Variants in SLC38A6 observed in about 807,000 individuals in gnomAD.
SLC38A6 encodes N system amino acid transporter NAT-1.
A neutral mutation model predicts 65.0 loss-of-function variants in SLC38A6; 73 were observed. The observed-to-expected ratio is 1.12, with a 90% CI of 0.93 to 1.37. The LOEUF is 1.37. Among genes scored for constraint, SLC38A6 ranks in the 40% most tolerant of loss-of-function variants. The probability of loss-of-function intolerance (pLI) is 0.00; values close to 1 mark genes in which losing one functional copy is unlikely to be tolerated. For synonymous variants in SLC38A6, 183 were observed against 178.8 expected (o/e 1.02, Z -0.19); for missense variants, 561 against 531.1 (o/e 1.06, Z -0.55).
Position 60,981,369 on chromosome 14 carries a change from C to G in SLC38A6, c.92C>G (p.Pro31Arg), listed in dbSNP as rs747978137. The change falls in exon 1 of 16, where the codon CCG (proline) becomes CGG (arginine). Residue 31 changes from proline (P) to arginine (R), a missense_variant. By Grantham distance (103) the Pro-to-Arg change is moderately radical (BLOSUM62 -2). Coordinates refer to ENST00000267488, the MANE Select transcript of SLC38A6 (RefSeq NM_153811.3). ...GAAGCGGAGGCCGAAGAGTTGAGTCCGTTGCTAAGCAACGTAAGTGGGCTG... is the reference window on the plus strand; with the variant it reads ...GAAGCGGAGGCCGAAGAGTTGAGTCGGTTGCTAAGCAACGTAAGTGGGCTG... ...PEEAEAEELS[P>R]LLSNELHRQR... 6.2e-7 allele frequency: 1 copy of G among 1,602,548 alleles called. No individual in the cohort carries two copies. The highest frequency in any genetic ancestry group is 1.3e-5 in the African/African-American group (1 of 74,924).
At chr14:61,044,330 C>G (rs192127443) in intron 10 of SLC38A6, among the ~76,000 whole-genome samples, 85 of 152,310 alleles carry the variant, frequency 5.6e-4, no homozygotes, top group African/African-American at 1.9e-3. Context: ...AAATATCTCT[C>G]TGGTCCCAAA....
chr14:61,053,169 C>T (rs1163906585), downstream of SLC38A6, among the ~76,000 whole-genome samples: 2 of 152,012 alleles, frequency 1.3e-5, no homozygotes, highest in African/African-American at 2.4e-5. Flanking sequence ...AGGATAAAAG[C>T]CTCCACCTCC....
intron 15 of SLC38A6, among the ~76,000 whole-genome samples, chr14:61,073,213 AT>A (rs1392412546): frequency 1.3e-5 from 2 of 152,128 alleles, no homozygotes; most frequent in African/African-American, 4.8e-5. Context: ...TATTTTGCCC[AT>A]TTTTTGATTG....
rs2042569442 is a variant in SLC38A6 at position 61,052,570 on chromosome 14, G to GGGGAAT, written c.*146_*147insTGGGAA. On this transcript the variant is annotated 3_prime_UTR_variant, in exon 16 of 16. Transcript: ENST00000267488. ...AGCAGAACAAAATGGCAGTGGGTAT[G>GGGGAAT]GGGAAGTAAGAGTGTGGCAGTTTTA... 2 of 1,232,254 alleles carry GGGGAAT rather than the reference G, an allele frequency of 1.6e-6. No individual in the cohort carries two copies. The highest frequency in any genetic ancestry group is 4.0e-5 in the South Asian group (2 of 50,526). The allele number at this position is 1,232,254 out of a possible 1,614,324, so 76.3% of individuals were successfully genotyped here. A position where few individuals can be genotyped will look rare whatever the true frequency, so the allele number is the denominator to read the frequency against.
intron 3 of SLC38A6, among the ~76,000 whole-genome samples, chr14:61,013,681 A>T (rs2039760947): frequency 6.6e-6 from 1 of 152,170 alleles, no homozygotes; most frequent in East Asian, 1.9e-4. Flanking sequence ...TGGGTTGAAA[A>T]TTCTTTTCTT....
downstream of SLC38A6, chr14:61,052,709 TAC>T (rs1333175263): frequency 4.3e-6 from 1 of 232,920 alleles, no homozygotes; most frequent in Non-Finnish European, 7.9e-6. Context: ...GAACAGAAAG[TAC>T]AGAGTTCACA....
chr14:61,080,800 TC>T (rs768039743), intron 16 of SLC38A6, among the ~76,000 whole-genome samples: 10 of 152,130 alleles, frequency 6.6e-5, no homozygotes, highest in Non-Finnish European at 1.0e-4. Flanking sequence ...TGCCTCAGAA[TC>T]CCCCTGTGCA....
rs577954094 is a variant in SLC38A6 at position 60,996,944 on chromosome 14, A to G, written c.310+12141A>G. On this transcript the variant is annotated intron_variant, in intron 3 of 15. Transcript: ENST00000267488. ...GAACAATGACATTTTCATATATACA[A>G]GGTCTCAAAAATTTTTATTCACCCT... is the stretch of plus-strand genomic sequence containing the variant. 7.9e-5 allele frequency among the ~76,000 whole-genome samples: 12 copies of G among 152,330 alleles called. No homozygotes were observed. The South Asian group carries it at 2.5e-3, about 32-fold the overall frequency.
chr14:61,038,762 C>A (rs953054300), intron 8 of SLC38A6, among the ~76,000 whole-genome samples: 3 of 152,156 alleles, frequency 2.0e-5, no homozygotes, highest in African/African-American at 7.2e-5. Flanking sequence ...ATTGAATGCT[C>A]TTAAAACTAA....
In SLC38A6 at chr14:61,052,114, T is replaced by C. The variant is rs2042538893; in HGVS notation, c.1269T>C (p.Phe423=). 1 of 1,565,604 alleles carries C rather than the reference T, an allele frequency of 6.4e-7. No individual in the cohort carries two copies. Among genetic ancestry groups the C allele is most frequent in the East Asian group, 2.3e-5 (1 of 43,284 alleles). Residue 423 remains phenylalanine (F), a synonymous_variant, in exon 15 of 16, where the codon TTT becomes TTC. Transcript: ENST00000267488. ...LFYLKLSRED[F]LSWKKLGAFV... ...ATCTTAAACTTAGCAGAGAGGATTT[T>C]CTGTCATGGAAAAAGCTTGGGGTAG...
At chr14:61,011,395 T>G (rs2039555261) in intron 3 of SLC38A6, among the ~76,000 whole-genome samples, 1 of 152,114 alleles carries the variant, frequency 6.6e-6, no homozygotes, top group African/African-American at 2.4e-5. Flanking sequence ...CTGATTGCCC[T>G]GGCCAGAACT....
chr14:61,036,716 T>A (rs2041401687), intron 6 of SLC38A6, among the ~76,000 whole-genome samples: 1 of 152,190 alleles, frequency 6.6e-6, no homozygotes, highest in South Asian at 2.1e-4. Flanking sequence ...CAAATTGCTT[T>A]CCAGAAAGGT....
chr14:61,003,823 AAAG>A (rs1223737818), intron 3 of SLC38A6, among the ~76,000 whole-genome samples: 1 of 152,144 alleles, frequency 6.6e-6, no homozygotes, highest in Non-Finnish European at 1.5e-5. Flanking sequence ...TTTTGCAACA[AAAG>A]AAGTCTGATG....
chr14:61,007,739 G>T (rs961648804), intron 3 of SLC38A6, among the ~76,000 whole-genome samples: 10 of 121,020 alleles, frequency 8.3e-5, no homozygotes, highest in African/African-American at 3.0e-4. Flanking sequence ...TGGAGACTTG[G>T]TTCATATAAT....
chr14:61,027,497 A>G (rs1232610579), intron 5 of SLC38A6, among the ~76,000 whole-genome samples: 2 of 152,150 alleles, frequency 1.3e-5, no homozygotes, highest in Non-Finnish European at 2.9e-5. Flanking sequence ...TTCTTATGCC[A>G]TTTATAAAAG....
At chr14:61,036,960 C>G (rs375791548) in intron 6 of SLC38A6, 99 bp from the exon 7 acceptor site, 146 of 438,366 alleles carry the variant, frequency 3.3e-4, no homozygotes, top group African/African-American at 2.0e-3. Flanking sequence ...GGTTATAACT[C>G]TGTGTGTGTG....
chr14:60,995,453 G>T (rs2038220254), intron 3 of SLC38A6, among the ~76,000 whole-genome samples: 1 of 152,176 alleles, frequency 6.6e-6, no homozygotes, highest in Non-Finnish European at 1.5e-5. Flanking sequence ...GTGGTTATGT[G>T]GGGGATGGGA....
chr14:61,009,679 A>G (rs532945385), intron 3 of SLC38A6, among the ~76,000 whole-genome samples: 134 of 152,054 alleles, frequency 8.8e-4, no homozygotes, highest in Middle Eastern at 3.4e-3. Flanking sequence ...ATGGTTTCCA[A>G]TTTCATCCAT....
intron 3 of SLC38A6, among the ~76,000 whole-genome samples, chr14:61,004,227 T>G (rs2038917487): frequency 6.6e-6 from 1 of 152,210 alleles, no homozygotes; most frequent in African/African-American, 2.4e-5. Context: ...GGTATTTGCT[T>G]GCTACATTTG....
Sources: allele counts gnomAD v4.1 joint callset (sites outside exome capture counted in the v4.1 genomes callset), GRCh38; gene constraint gnomAD v4.1.1; transcripts MANE v1.5; gene names NCBI Gene and HGNC (gene_info 2026-07-23, HGNC 2026-07-21).